ITGAL: variants seen among roughly 807,000 people sequenced by gnomAD.
The protein encoded by ITGAL is integrin alpha-L.
Under a neutral mutation model 138.4 loss-of-function variants are expected in ITGAL, and 68 were observed. The ratio of observed to expected loss-of-function variants is 0.49; its 90% CI spans 0.40 to 0.60. The LOEUF is 0.60. Among genes scored for constraint, ITGAL ranks in the 20% least tolerant of loss-of-function variants. ITGAL has a pLI of 0.00. For synonymous variants in ITGAL, 561 were observed against 584.3 expected (o/e 0.96, Z 0.57); for missense variants, 1,256 against 1,478.6 (o/e 0.85, Z 2.47).
chr16:30,475,648 G>T, intron 4 of ITGAL, 68 bp downstream of exon 4: 1 of 1,192,536 alleles, frequency 8.4e-7, no homozygotes, highest in South Asian at 1.2e-5. Flanking sequence ...GAGAAGAAAA[G>T]AAGAAGAATG....
At chr16:30,484,551 T>C (rs1030235022) in intron 9 of ITGAL, among the ~76,000 whole-genome samples, 1 of 151,578 alleles carries the variant, frequency 6.6e-6, no homozygotes, top group Non-Finnish European at 1.5e-5. Context: ...GAGGTTGCAG[T>C]GAGCCAAGAT....
At chr16:30,513,738 C>G in intron 24 of ITGAL, 33 bp from the exon 25 acceptor site, 1 of 1,574,320 alleles carries the variant, frequency 6.4e-7, no homozygotes, top group East Asian at 2.2e-5. Context: ...GCTGTCACTT[C>G]GTTCTTCCAT....
chr16:30,518,278 T>C (rs1211217223), intron 28 of ITGAL, among the ~76,000 whole-genome samples: 1 of 151,932 alleles, frequency 6.6e-6, no homozygotes, highest in Non-Finnish European at 1.5e-5. Context: ...TGAAACCCTG[T>C]CTGTACTAAA....
At position 30,521,867 on chromosome 16, in the gene ITGAL, A is replaced by C; in HGVS notation, c.*202A>C. The C allele has an allele frequency of 1.8e-6, 1 of 556,592 alleles. No homozygotes were observed. The highest frequency in any genetic ancestry group is 3.2e-6 in the Non-Finnish European group (1 of 316,424). The allele number at this position is 556,592 out of a possible 1,614,324, so 34.5% of individuals were successfully genotyped here. A position where few individuals can be genotyped will look rare whatever the true frequency, so the allele number is the denominator to read the frequency against. On this transcript the variant is annotated 3_prime_UTR_variant, in exon 31 of 31. Transcript: ENST00000356798. ...GGGAAGACCTGCTGAGGGACCAGCC[A>C]AGAGGGCTGCAAAAGTGAGGGCTTG...
At chr16:30,481,184 CA>C in intron 6 of ITGAL, 5 of 356,080 alleles carry the variant, frequency 1.4e-5, no homozygotes, top group Non-Finnish European at 2.0e-5. Flanking sequence ...ACACACACAC[CA>C]CACACACACA....
Position 30,484,017 on chromosome 16 carries a change from G to T in ITGAL, c.855+58G>T. 1.9e-6 allele frequency: 3 copies of T among 1,596,992 alleles called. No homozygotes were observed. The Admixed American group carries it at 5.1e-5, about 27-fold the overall frequency. On this transcript the variant is annotated intron_variant, in intron 8 of 30. Coordinates refer to ENST00000356798, the MANE Select transcript of ITGAL (RefSeq NM_002209.3). ...TCCCTCTCCTCTTTCTGAACCCCAAGCCCCTTTCTCCCTGGGGCCAGACTC... is the reference window on the plus strand; with the variant it reads ...TCCCTCTCCTCTTTCTGAACCCCAATCCCCTTTCTCCCTGGGGCCAGACTC...
chr16:30,488,952 C>A, intron 9 of ITGAL, 130 bp from the exon 10 acceptor site: 2 of 754,706 alleles, frequency 2.7e-6, no homozygotes, highest in East Asian at 2.6e-5. Flanking sequence ...CTGGGTCTGC[C>A]TGACCCTCAC....
chr16:30,490,226 T>TA (rs780440564), intron 11 of ITGAL, among the ~76,000 whole-genome samples: 31,735 of 114,886 alleles, frequency 0.28, 5,804 homozygotes, highest in East Asian at 0.62. Flanking sequence ...AGACTCCGTC[T>TA]TAAAAAAAAA....
At position 30,474,236 on chromosome 16, in the gene ITGAL, G is replaced by A. The variant is rs371942081; in HGVS notation, c.102G>A (p.Arg34=). 8.7e-6 allele frequency: 14 copies of A among 1,609,054 alleles called. No homozygotes were observed. Among genetic ancestry groups the A allele is most frequent in the Non-Finnish European group, 1.2e-5 (14 of 1,178,016 alleles). Residue 34 remains arginine, a synonymous_variant, in exon 2 of 31, where the codon CGG becomes CGA. Coordinates refer to ENST00000356798, the MANE Select transcript of ITGAL (RefSeq NM_002209.3). ...ACAACCTGGACGTGCGGGGCGCGCG[G>A]AGCTTCTCCCCACCGCGCGCCGGGA... ...SSYNLDVRGA[R]SFSPPRAGRH...
rs1009742363 is a variant in ITGAL at position 30,504,189 on chromosome 16, C to T, written c.2160C>T (p.Asp720=). 6.2e-7 allele frequency: 1 copy of T among 1,613,056 alleles called. No homozygotes were observed. The highest frequency in any genetic ancestry group is 8.5e-7 in the Non-Finnish European group (1 of 1,179,194). The change falls in exon 18 of 31, where the codon GAC becomes GAT. Residue 720 remains aspartate (D), a synonymous_variant. Transcript: ENST00000356798. ...FSFHFPVCVQ[D]LISPINVSLN... Reference sequence around the variant, plus strand: ...ATCACCCTCAGGTATGTGTTCAAGACCTCATCTCCCCCATCAATGTTTCCC... The same window carrying T: ...ATCACCCTCAGGTATGTGTTCAAGATCTCATCTCCCCCATCAATGTTTCCC...
intron 17 of ITGAL, among the ~76,000 whole-genome samples, chr16:30,500,550 A>C (rs2050879670): frequency 6.6e-6 from 1 of 151,382 alleles, no homozygotes; most frequent in African/African-American, 2.4e-5. Context: ...TTAATTTTTT[A>C]TTAAAAAAAT....
At chr16:30,476,230 G>A (rs370558171) in intron 4 of ITGAL, among the ~76,000 whole-genome samples, 2 of 151,890 alleles carry the variant, frequency 1.3e-5, no homozygotes, top group East Asian at 1.9e-4. Context: ...CAGCCTGGGC[G>A]GCAGAGTGAA....
chr16:30,482,841 T>C (rs868801263), intron 7 of ITGAL, among the ~76,000 whole-genome samples: 14 of 152,214 alleles, frequency 9.2e-5, no homozygotes, highest in African/African-American at 3.4e-4. Context: ...TTCTTTTTTT[T>C]TTAGAGTCAA....
At chr16:30,488,194 CAAAA>C (rs553242288) in intron 9 of ITGAL, among the ~76,000 whole-genome samples, 1 of 105,564 alleles carries the variant, frequency 9.5e-6, no homozygotes, top group Admixed American at 1.0e-4. Context: ...GACCCTGTCT[CAAAA>C]AAAAAAAAAA....
chr16:30,498,538 G>C (rs2050837695), intron 15 of ITGAL, among the ~76,000 whole-genome samples: 1 of 152,136 alleles, frequency 6.6e-6, no homozygotes, highest in Non-Finnish European at 1.5e-5. Flanking sequence ...CTCTTCCTAA[G>C]AGCTTTCTCT....
At position 30,499,733 on chromosome 16, in the gene ITGAL, A is replaced by ATTTT. The variant is rs1193634387; in HGVS notation, c.2145+254_2145+257dup. Among the ~76,000 whole-genome samples, 39 of 88,336 alleles carry ATTTT rather than the reference A, an allele frequency of 4.4e-4. 1 individual carries two copies. Among genetic ancestry groups the ATTTT allele is most frequent in the African/African-American group, 2.0e-3 (34 of 16,722 alleles). 58.0% of individuals were successfully genotyped at this position (88,336 alleles called of 152,430 possible). On this transcript the variant is annotated intron_variant, in intron 17 of 30. Coordinates refer to ENST00000356798, the MANE Select transcript of ITGAL (RefSeq NM_002209.3). ...TATATGTATATATATATATATATATATTTTTTTTTTTTTGACACAGAGTCT... is the reference window on the plus strand; with the variant it reads ...TATATGTATATATATATATATATATATTTTTTTTTTTTTTTTTGACACAGAGTCT...
At chr16:30,483,638 G>A (rs2050590683) in intron 7 of ITGAL, among the ~76,000 whole-genome samples, 189 bp from the exon 8 acceptor site, 1 of 152,154 alleles carries the variant, frequency 6.6e-6, no homozygotes. Context: ...GAGGACCACT[G>A]GTCCAGAAGG....
chr16:30,473,941 C>G, intron 1 of ITGAL: 1 of 630,370 alleles, frequency 1.6e-6, no homozygotes, highest in South Asian at 1.5e-5. Context: ...GAGCCTCTAA[C>G]TTCTCATCCT....
At chr16:30,478,899 T>A (rs2050512814) in intron 4 of ITGAL, among the ~76,000 whole-genome samples, 192 bp from the exon 5 acceptor site, 1 of 151,832 alleles carries the variant, frequency 6.6e-6, no homozygotes, top group Non-Finnish European at 1.5e-5. Flanking sequence ...TCCATTGGCA[T>A]AGAGCATTGG....
Sources: allele counts gnomAD v4.1 joint callset (sites outside exome capture counted in the v4.1 genomes callset), GRCh38; gene constraint gnomAD v4.1.1; transcripts MANE v1.5; gene names NCBI Gene and HGNC (gene_info 2026-07-23, HGNC 2026-07-21).